Variants in KHDRBS2 observed in about 807,000 individuals in gnomAD.
KHDRBS2 encodes the protein KH RNA binding domain containing, signal transduction associated 2.
A neutral mutation model predicts 44.3 loss-of-function variants in KHDRBS2; 26 were observed. The ratio of observed to expected loss-of-function variants is 0.59; its 90% CI spans 0.43 to 0.81. The LOEUF is 0.81. Ranked by LOEUF, KHDRBS2 falls within the 40% of genes least tolerant of loss-of-function variation. KHDRBS2 has a pLI of 0.00. For missense variants in KHDRBS2, 476 were observed against 433.1 expected, an observed-to-expected ratio of 1.10 and a Z score of -0.88; for synonymous variants, 194 against 151.1, an observed-to-expected ratio of 1.28 and a Z score of -2.08.
At chr6:62,045,133 G>T (rs1787393155) in intron 3 of KHDRBS2, among the ~76,000 whole-genome samples, 1 of 151,976 alleles carries the variant, frequency 6.6e-6, no homozygotes, top group Non-Finnish European at 1.5e-5. Flanking sequence ...TGGAACAAGA[G>T]GATCCAGTCA....
In KHDRBS2 at chr6:61,954,635, C is replaced by T. The variant is rs545580512; in HGVS notation, c.483+23431G>A. Among the ~76,000 whole-genome samples, 157 of 121,254 alleles carry T rather than the reference C, an allele frequency of 1.3e-3. 1 individual carries two copies. The highest frequency in any genetic ancestry group is 5.2e-3 in the African/African-American group (147 of 28,308). The allele number at this position is 121,254 out of a possible 152,430, so 79.5% of individuals were successfully genotyped here. A position where few individuals can be genotyped will look rare whatever the true frequency, so the allele number is the denominator to read the frequency against. On this transcript the variant is annotated intron_variant, in intron 4 of 8. Coordinates refer to ENST00000281156, the MANE Select transcript of KHDRBS2 (RefSeq NM_152688.4). The stretch of plus-strand genomic sequence containing the variant: ...ATGTATACATATATATGTATATATA[C>T]ACATACATACTTATGTATACATACA...
At chr6:62,189,210 C>A (rs552373170) in intron 1 of KHDRBS2, among the ~76,000 whole-genome samples, 18 of 152,126 alleles carry the variant, frequency 1.2e-4, no homozygotes, top group Admixed American at 2.0e-4. Context: ...ATTCAATCAG[C>A]CCTATGTAGA....
chr6:62,215,493 T>C (rs546019578), intron 1 of KHDRBS2, among the ~76,000 whole-genome samples: 8 of 151,804 alleles, frequency 5.3e-5, no homozygotes, highest in Non-Finnish European at 1.0e-4. Context: ...GAGCTTTAAG[T>C]CATTGGAGGA....
intron 1 of KHDRBS2, among the ~76,000 whole-genome samples, chr6:62,236,682 G>A (rs563233887): frequency 5.3e-5 from 8 of 151,598 alleles, no homozygotes; most frequent in East Asian, 1.9e-4. Flanking sequence ...ACATTTTTTC[G>A]AATGCTTATT....
chr6:62,153,919 T>A (rs1815788652), intron 2 of KHDRBS2, among the ~76,000 whole-genome samples: 1 of 152,216 alleles, frequency 6.6e-6, no homozygotes, highest in Admixed American at 6.5e-5. Flanking sequence ...CACTATGTTA[T>A]CCACCACCTG....
chr6:62,205,650 T>A (rs1827821967), intron 1 of KHDRBS2, among the ~76,000 whole-genome samples: 1 of 151,552 alleles, frequency 6.6e-6, no homozygotes, highest in Non-Finnish European at 1.5e-5. Context: ...AAGAAAAGAG[T>A]AGAGATGCAG....
intron 6 of KHDRBS2, among the ~76,000 whole-genome samples, chr6:61,831,499 G>A (rs1016961438): frequency 6.6e-6 from 1 of 151,862 alleles, no homozygotes; most frequent in Non-Finnish European, 1.5e-5. Flanking sequence ...CGTTTGAAAG[G>A]TATTCTGATT....
intron 7 of KHDRBS2, among the ~76,000 whole-genome samples, chr6:61,720,120 T>C (rs997621337): frequency 2.6e-5 from 4 of 152,238 alleles, no homozygotes; most frequent in East Asian, 1.9e-4. Context: ...ATCATTTTTA[T>C]GGCTGCATAG....
chr6:61,584,746 A>G, the KHDRBS2 span, among the ~76,000 whole-genome samples: 1 of 151,976 alleles, frequency 6.6e-6, no homozygotes, highest in African/African-American at 2.4e-5. Flanking sequence ...CTCTAGGCTT[A>G]TTTATTGACC....
intron 4 of KHDRBS2, among the ~76,000 whole-genome samples, chr6:61,948,285 A>G (rs1764011795): frequency 6.6e-6 from 1 of 152,106 alleles, no homozygotes; most frequent in African/African-American, 2.4e-5. Context: ...CATTTGCTTT[A>G]ATATTTGTTC....
At chr6:62,183,648 T>C (rs540089683) in intron 1 of KHDRBS2, among the ~76,000 whole-genome samples, 2 of 151,760 alleles carry the variant, frequency 1.3e-5, no homozygotes, top group African/African-American at 4.8e-5. Flanking sequence ...TTTGACACTA[T>C]ATAAAAGAAC....
chr6:62,251,286 T>C (rs1490969797), intron 1 of KHDRBS2, among the ~76,000 whole-genome samples: 2 of 151,862 alleles, frequency 1.3e-5, no homozygotes, highest in Non-Finnish European at 2.9e-5. Context: ...CATAAAAATA[T>C]TGAATATATT....
chr6:62,246,610 A>G (rs556045480), intron 1 of KHDRBS2, among the ~76,000 whole-genome samples: 1 of 152,216 alleles, frequency 6.6e-6, no homozygotes, highest in South Asian at 2.1e-4. Context: ...AACTTTAGGA[A>G]GAAAGACATA....
chr6:61,666,572 C>G, the KHDRBS2 span, among the ~76,000 whole-genome samples: 13 of 151,476 alleles, frequency 8.6e-5, no homozygotes, highest in South Asian at 1.9e-3. Context: ...ACACCAGACC[C>G]TGAAGTGTAC....
chr6:61,946,827 C>T (rs944490126), intron 4 of KHDRBS2, among the ~76,000 whole-genome samples: 1 of 152,108 alleles, frequency 6.6e-6, no homozygotes, highest in African/African-American at 2.4e-5. Context: ...AATATCCAGA[C>T]CTCTCTCTTT....
chr6:61,738,010 A>C (rs1775635694), intron 6 of KHDRBS2, among the ~76,000 whole-genome samples: 1 of 152,058 alleles, frequency 6.6e-6, no homozygotes, highest in African/African-American at 2.4e-5. Flanking sequence ...TTTAAGGTGA[A>C]TATGAATATT....
At chr6:61,818,322 A>G (rs1156924260) in intron 6 of KHDRBS2, among the ~76,000 whole-genome samples, 1 of 151,460 alleles carries the variant, frequency 6.6e-6, no homozygotes, top group Non-Finnish European at 1.5e-5. Flanking sequence ...AGAGAAAAGG[A>G]TAGAAAAAAG....
intron 6 of KHDRBS2, among the ~76,000 whole-genome samples, chr6:61,774,675 G>A (rs1781631265): frequency 6.6e-6 from 1 of 152,158 alleles, no homozygotes; most frequent in South Asian, 2.1e-4. Context: ...AAAAAGTCGA[G>A]GACCAGATGG....
At chr6:62,051,786 C>A (rs1236169538) in intron 2 of KHDRBS2, among the ~76,000 whole-genome samples, 1 of 151,774 alleles carries the variant, frequency 6.6e-6, no homozygotes, top group Admixed American at 6.6e-5. Context: ...TAAGACAATT[C>A]AATGGCAGAA....
Sources: allele counts gnomAD v4.1 joint callset (sites outside exome capture counted in the v4.1 genomes callset), GRCh38; gene constraint gnomAD v4.1.1; transcripts MANE v1.5; gene names NCBI Gene and HGNC (gene_info 2026-07-23, HGNC 2026-07-21).